The following SLCO1A2 variants were observed in gnomAD, a reference collection of about 807,000 sequenced individuals.
The protein encoded by SLCO1A2 is OATP-1.
In SLCO1A2, 67 loss-of-function variants were observed where a neutral mutation model predicts 69.0. The ratio of observed to expected loss-of-function variants is 0.97; its 90% CI spans 0.80 to 1.19. The LOEUF is 1.19. Among genes scored for constraint, SLCO1A2 ranks in the 50% most tolerant of loss-of-function variants. The pLI, the probability that SLCO1A2 is intolerant of heterozygous loss-of-function variation, is 0.00. For synonymous variants in SLCO1A2, 260 were observed against 265.9 expected (o/e 0.98, Z 0.22); for missense variants, 787 against 793.7 (o/e 0.99, Z 0.10).
intron 2 of SLCO1A2, among the ~76,000 whole-genome samples, chr12:21,359,133 A>G (rs11045998): frequency 0.32 from 49,204 of 151,902 alleles, 8,280 homozygotes; most frequent in East Asian, 0.46. Flanking sequence ...AAGACTAAAA[A>G]CTAGAAGATT....
chr12:21,321,358 A>G (rs1432874998), intron 2 of SLCO1A2, among the ~76,000 whole-genome samples: 1 of 152,204 alleles, frequency 6.6e-6, no homozygotes, highest in East Asian at 1.9e-4. Flanking sequence ...TCTCATATGT[A>G]TGAACAGTTT....
intron 1 of SLCO1A2, among the ~76,000 whole-genome samples, chr12:21,403,957 T>C (rs1941780826): frequency 6.6e-6 from 1 of 152,104 alleles, no homozygotes. Flanking sequence ...GAGTTCAACT[T>C]TCAGTGTAGC....
At chr12:21,304,306 C>A in intron 6 of SLCO1A2, 121 bp downstream of exon 6, 1 of 741,574 alleles carries the variant, frequency 1.3e-6, no homozygotes, top group Non-Finnish European at 2.2e-6. Flanking sequence ...GGAAGGCCAA[C>A]TGTGCCAAGA....
At chr12:21,373,589 T>C in intron 2 of SLCO1A2, 1 of 705,566 alleles carries the variant, frequency 1.4e-6, no homozygotes, top group East Asian at 2.7e-5. Context: ...TTCTGTGTTC[T>C]TTAAAGAATA....
At chr12:21,310,390 C>A (rs535740120) in intron 4 of SLCO1A2, among the ~76,000 whole-genome samples, 1 of 152,358 alleles carries the variant, frequency 6.6e-6, no homozygotes, top group East Asian at 1.9e-4. Context: ...CTAAAAGATG[C>A]TAACAATCAT....
intron 1 of SLCO1A2, among the ~76,000 whole-genome samples, chr12:21,414,402 T>C (rs1941959303): frequency 6.6e-6 from 1 of 152,140 alleles, no homozygotes; most frequent in Non-Finnish European, 1.5e-5. Flanking sequence ...TTAATTTTCA[T>C]ATCATGTTTT....
At chr12:21,382,194 G>A (rs1940627140) in intron 1 of SLCO1A2, among the ~76,000 whole-genome samples, 1 of 152,188 alleles carries the variant, frequency 6.6e-6, no homozygotes, top group Non-Finnish European at 1.5e-5. Context: ...GGATGGAGCT[G>A]GAGACCATTA....
intron 1 of SLCO1A2, among the ~76,000 whole-genome samples, chr12:21,407,322 T>C (rs1436781478): frequency 2.0e-5 from 3 of 152,012 alleles, no homozygotes; most frequent in Non-Finnish European, 4.4e-5. Flanking sequence ...GTTGGTGTAG[T>C]TGGAGAAAGA....
At chr12:21,416,636 C>G (rs74683885) in intron 1 of SLCO1A2, among the ~76,000 whole-genome samples, 6,405 of 151,730 alleles carry the variant, frequency 0.042, 177 homozygotes, top group Non-Finnish European at 0.049. Context: ...GAGACAGGGT[C>G]TCATGACATC....
At chr12:21,342,847 G>A (rs187422345) in intron 2 of SLCO1A2, among the ~76,000 whole-genome samples, 5 of 152,012 alleles carry the variant, frequency 3.3e-5, no homozygotes, top group African/African-American at 9.7e-5. Context: ...AGAGGAGGAG[G>A]AAGTATCAAA....
intron 2 of SLCO1A2, among the ~76,000 whole-genome samples, chr12:21,342,709 C>T (rs1420033091): frequency 6.6e-6 from 1 of 151,930 alleles, no homozygotes; most frequent in Non-Finnish European, 1.5e-5. Flanking sequence ...TAATTATCTA[C>T]AAGCATATCG....
chr12:21,296,776 G>A (rs1229120602), intron 9 of SLCO1A2, among the ~76,000 whole-genome samples: 1 of 152,192 alleles, frequency 6.6e-6, no homozygotes, highest in Non-Finnish European at 1.5e-5. Flanking sequence ...CCACGCCCTA[G>A]AGTCTGATTC....
rs1030884977 is a variant in SLCO1A2 at position 21,269,632 on chromosome 12, T to C, written c.1929A>G (p.Lys643=). ...ASSGTELIET[K]VKGKENECKD... ...TGCACTCATTTTCCTTCCCTTTGAC[T>C]TTTGTCTCTATAAGCTCTGTTCCTG... is the stretch of plus-strand genomic sequence containing the variant. The change falls in exon 15 of 15, where the codon AAA becomes AAG. Residue 643 remains lysine (K), a synonymous_variant. Coordinates refer to ENST00000683939, the MANE Select transcript of SLCO1A2 (RefSeq NM_001386879.1). 5.6e-6 allele frequency: 9 copies of C among 1,612,654 alleles called. No individual in the cohort carries two copies. Among genetic ancestry groups the C allele is most frequent in the Non-Finnish European group, 7.6e-6 (9 of 1,179,170 alleles).
chr12:21,302,017 C>T (rs1385979933), intron 6 of SLCO1A2, among the ~76,000 whole-genome samples: 5 of 152,100 alleles, frequency 3.3e-5, no homozygotes, highest in Non-Finnish European at 7.3e-5. Context: ...TTGGAGAACC[C>T]GCCCTATACA....
intron 1 of SLCO1A2, among the ~76,000 whole-genome samples, chr12:21,408,652 T>C (rs1229692391): frequency 6.6e-6 from 1 of 151,990 alleles, no homozygotes; most frequent in Non-Finnish European, 1.5e-5. Context: ...AAGTAAAAGT[T>C]CTAGGCAAGC....
At chr12:21,397,639 CA>C (rs983300374), upstream of SLCO1A2, among the ~76,000 whole-genome samples, 1 of 151,754 alleles carries the variant, frequency 6.6e-6, no homozygotes, top group African/African-American at 2.4e-5. Context: ...CTCTCCTCAG[CA>C]AATGGAAAAG....
chr12:21,269,692 C>T lies in SLCO1A2; in HGVS notation c.1869G>A (p.Leu623=), dbSNP rs757848209. ...TTTCACCAGGTAGATGACACTTCCT[C>T]AAAAGAATTAAGATGATTAAGGCTG... is the stretch of plus-strand genomic sequence containing the variant. ...FVPALIILIL[L]RKCHLPGENA... Residue 623 remains leucine, a synonymous_variant, in exon 15 of 15, where the codon TTG becomes TTA. Coordinates refer to ENST00000683939, the MANE Select transcript of SLCO1A2 (RefSeq NM_001386879.1). 3.9e-5 allele frequency: 63 copies of T among 1,612,520 alleles called. No individual in the cohort carries two copies. The highest frequency in any genetic ancestry group is 5.0e-5 in the Admixed American group (3 of 59,844).
intron 6 of SLCO1A2, among the ~76,000 whole-genome samples, chr12:21,303,256 A>T (rs1948946120): frequency 6.6e-6 from 1 of 152,186 alleles, no homozygotes; most frequent in African/African-American, 2.4e-5. Flanking sequence ...CTACATTTAC[A>T]TATAATACAC....
chr12:21,328,136 T>C (rs556297048), intron 2 of SLCO1A2, among the ~76,000 whole-genome samples: 1 of 152,270 alleles, frequency 6.6e-6, no homozygotes, highest in African/African-American at 2.4e-5. Flanking sequence ...TTGCTCCTCC[T>C]TTACCTTCCG....
Sources: allele counts gnomAD v4.1 joint callset (sites outside exome capture counted in the v4.1 genomes callset), GRCh38; gene constraint gnomAD v4.1.1; transcripts MANE v1.5; gene names NCBI Gene and HGNC (gene_info 2026-07-23, HGNC 2026-07-21).